DCC: variants seen among roughly 807,000 people sequenced by gnomAD.
The protein encoded by DCC is DCC netrin 1 receptor.
DCC carries 58 observed loss-of-function variants against 172.5 expected under a neutral mutation model. The ratio of observed to expected loss-of-function variants is 0.34; its 90% confidence interval spans 0.27 to 0.42. DCC has a LOEUF of 0.42. Ranked by LOEUF, DCC falls within the 10% of genes least tolerant of loss-of-function variation. The pLI, the probability that DCC is intolerant of heterozygous loss-of-function variation, is 1.00. For synonymous variants in DCC, 709 were observed against 644.5 expected (o/e 1.10, Z -1.52); for missense variants, 1,740 against 1,791.0 (o/e 0.97, Z 0.51).
chr18:52,495,366 T>C (rs1441255532), intron 1 of DCC, among the ~76,000 whole-genome samples: 1 of 152,082 alleles, frequency 6.6e-6, no homozygotes, highest in Non-Finnish European at 1.5e-5. Flanking sequence ...CCACCCATAG[T>C]CTCTGCCCAA....
At chr18:52,628,113 G>T (rs1029304146) in intron 1 of DCC, among the ~76,000 whole-genome samples, 1 of 152,090 alleles carries the variant, frequency 6.6e-6, no homozygotes, top group East Asian at 1.9e-4. Context: ...ATTTGAGATG[G>T]CATCAACTGT....
At position 53,301,480 on chromosome 18, in the gene DCC, C is replaced by T. The variant is rs538982420; in HGVS notation, c.1912-4098C>T. Among the ~76,000 whole-genome samples, 8 of 152,156 alleles carry T rather than the reference C, an allele frequency of 5.3e-5. No homozygotes were observed. In the East Asian group the frequency reaches 1.4e-3, roughly 26 times the overall value. ...AAACCTCTGTGTGCTTATTTTAAAA[C>T]TTAATTTAAATATTTTCAGAGTATT... On this transcript the variant is annotated intron_variant, in intron 12 of 28. Coordinates refer to ENST00000442544, the MANE Select transcript of DCC (RefSeq NM_005215.4).
intron 5 of DCC, among the ~76,000 whole-genome samples, chr18:53,054,728 T>C (rs1488691698): frequency 6.6e-6 from 1 of 152,132 alleles, no homozygotes; most frequent in East Asian, 1.9e-4. Context: ...TAGAATCGTT[T>C]CCTAGCATAT....
intron 1 of DCC, among the ~76,000 whole-genome samples, chr18:52,559,197 C>T (rs975317050): frequency 9.2e-5 from 14 of 152,248 alleles, no homozygotes; most frequent in South Asian, 2.1e-4. Flanking sequence ...CTGCAACCTC[C>T]GCCTCCCAGG....
rs77956316 is a variant in DCC, at chr18:52,756,331, A to T, written c.412+3957A>T. Among the ~76,000 whole-genome samples, 298 of 152,282 alleles carry T rather than the reference A, an allele frequency of 2.0e-3. 1 individual carries two copies. The highest frequency in any genetic ancestry group is 6.8e-3 in the African/African-American group (283 of 41,560). Reference sequence around the variant, plus strand: ...GCAAAGTATGTCATGTTAATAGTAGACATTTGCCTTACCAATGAAGACCTG... The same window carrying T: ...GCAAAGTATGTCATGTTAATAGTAGTCATTTGCCTTACCAATGAAGACCTG... On this transcript the variant is annotated intron_variant, in intron 2 of 28. Transcript: ENST00000442544.
At chr18:52,423,763 G>A (rs1239551073) in intron 1 of DCC, among the ~76,000 whole-genome samples, 1 of 152,082 alleles carries the variant, frequency 6.6e-6, no homozygotes, top group African/African-American at 2.4e-5. Context: ...ATGCACAGGA[G>A]GGATCTTGAA....
At chr18:53,225,596 G>A (rs1322004701) in intron 12 of DCC, among the ~76,000 whole-genome samples, 1 of 152,090 alleles carries the variant, frequency 6.6e-6, no homozygotes, top group Non-Finnish European at 1.5e-5. Context: ...TGTAAGTAAA[G>A]GTCATCAGAG....
In DCC at chr18:53,396,142, A is replaced by G. The variant is rs144100079; in HGVS notation, c.2689-1166A>G. Among the ~76,000 whole-genome samples, 1,099 of 152,266 alleles carry G rather than the reference A, an allele frequency of 7.2e-3. 16 individuals are homozygous for G. Among genetic ancestry groups the G allele is most frequent in the Admixed American group, 0.026 (401 of 15,296 alleles). On this transcript the variant is annotated intron_variant, in intron 17 of 28. Coordinates refer to ENST00000442544, the MANE Select transcript of DCC (RefSeq NM_005215.4). The stretch of plus-strand genomic sequence containing the variant: ...AAAAGATATCCCTTCCTTCAGTAGT[A>G]AGGGTAAGATACGTATGATATGAGT...
chr18:53,305,340 T>C (rs1288813908), intron 12 of DCC, among the ~76,000 whole-genome samples: 2 of 152,236 alleles, frequency 1.3e-5, no homozygotes, highest in Admixed American at 6.5e-5. Flanking sequence ...TAGCAGTGTA[T>C]GCAAAGGAGA....
At chr18:53,245,385 CTGTGCCTCAGTTTACTCATTTGTTA>C (rs2056353510) in intron 12 of DCC, among the ~76,000 whole-genome samples, 1 of 152,156 alleles carries the variant, frequency 6.6e-6, no homozygotes, top group Non-Finnish European at 1.5e-5. Flanking sequence ...TCTGTATGCT[CTGTGCCTCAGTTTACTCATTTGTTA>C]TGTGTGGAAA....
chr18:52,686,394 C>T (rs563954930), intron 1 of DCC, among the ~76,000 whole-genome samples: 7 of 152,204 alleles, frequency 4.6e-5, no homozygotes, highest in African/African-American at 1.2e-4. Context: ...GTCTGAGCTT[C>T]GAAAGGATTT....
chr18:52,693,273 A>T (rs1053998376), intron 1 of DCC, among the ~76,000 whole-genome samples: 6 of 150,658 alleles, frequency 4.0e-5, no homozygotes, highest in Non-Finnish European at 8.9e-5. Context: ...ATGTGTATAT[A>T]TATTTAATAC....
chr18:52,518,632 T>C (rs2031714220), intron 1 of DCC, among the ~76,000 whole-genome samples: 1 of 152,192 alleles, frequency 6.6e-6, no homozygotes, highest in African/African-American at 2.4e-5. Context: ...TCTGAATACA[T>C]GTGAAATGAG....
At chr18:52,693,138 A>C (rs2035956792) in intron 1 of DCC, among the ~76,000 whole-genome samples, 1 of 150,672 alleles carries the variant, frequency 6.6e-6, no homozygotes, top group Non-Finnish European at 1.5e-5. Context: ...AAGGCAAATC[A>C]AAAGAACCCT....
chr18:53,126,397 C>T lies in DCC; in HGVS notation c.1262-30959C>T, dbSNP rs1326573831. 3.3e-5 allele frequency among the ~76,000 whole-genome samples: 5 copies of T among 152,214 alleles called. No individual in the cohort carries two copies. In the South Asian group the frequency reaches 8.3e-4, roughly 25 times the overall value. ...TAGTCCACAGATGATGCAACCTTTG[C>T]AAGCTGGAAAGCACTTTCCTCTTAT... On this transcript the variant is annotated intron_variant, in intron 7 of 28. Transcript: ENST00000442544.
At chr18:52,511,915 T>C (rs1333967807) in intron 1 of DCC, among the ~76,000 whole-genome samples, 1 of 152,230 alleles carries the variant, frequency 6.6e-6, no homozygotes, top group East Asian at 1.9e-4. Context: ...AAGAACAGTT[T>C]CATGAAACTT....
chr18:53,144,908 T>A (rs545015268), intron 7 of DCC, among the ~76,000 whole-genome samples: 1 of 152,094 alleles, frequency 6.6e-6, no homozygotes, highest in Non-Finnish European at 1.5e-5. Context: ...GATAATATAA[T>A]AAGGTCATAT....
At chr18:52,773,877 A>G (rs1432505878) in intron 2 of DCC, among the ~76,000 whole-genome samples, 1 of 152,176 alleles carries the variant, frequency 6.6e-6, no homozygotes, top group African/African-American at 2.4e-5. Context: ...ACAAAAGACA[A>G]CAACAATTTG....
chr18:52,516,066 C>G (rs1002729383), intron 1 of DCC, among the ~76,000 whole-genome samples: 1 of 151,936 alleles, frequency 6.6e-6, no homozygotes, highest in African/African-American at 2.4e-5. Context: ...CACTACACAC[C>G]TAACAGAATA....
Sources: allele counts gnomAD v4.1 joint callset (sites outside exome capture counted in the v4.1 genomes callset), GRCh38; gene constraint gnomAD v4.1.1; transcripts MANE v1.5; gene names NCBI Gene and HGNC (gene_info 2026-07-23, HGNC 2026-07-21).